Variants in CEP192 observed in about 807,000 individuals in gnomAD.
The protein encoded by CEP192 is centrosomal protein of 192 kDa.
CEP192 carries 151 observed loss-of-function variants against 271.8 expected under a neutral mutation model. The ratio of observed to expected loss-of-function variants is 0.56; its 90% CI spans 0.49 to 0.64. The LOEUF (loss-of-function observed/expected upper bound fraction) is 0.64, where lower values mean the gene tolerates loss of function less well. Ranked by LOEUF, CEP192 falls within the 30% of genes least tolerant of loss-of-function variation. The pLI is 0.00. For synonymous variants in CEP192, 995 were observed against 1,076.5 expected (o/e 0.92, Z 1.48); for missense variants, 2,910 against 3,020.5 (o/e 0.96, Z 0.86).
rs1257435529 is a variant in CEP192, at chr18:13,029,771, A to G, written c.1159A>G (p.Thr387Ala). The G allele has an allele frequency of 6.4e-7, 1 of 1,551,644 alleles. No homozygotes were observed. Among genetic ancestry groups the G allele is most frequent in the Admixed American group, 2.0e-5 (1 of 51,010 alleles). ...TGCCAATAGAGGTGGTTTTGATCTGACTGACCCTGTAAAACAGGGGGCAGA... is the reference window on the plus strand; with the variant it reads ...TGCCAATAGAGGTGGTTTTGATCTGGCTGACCCTGTAAAACAGGGGGCAGA... ...ANANRGGFDLTDPVKQGAECP... is the reference protein window; with the variant it reads ...ANANRGGFDLADPVKQGAECP... The change falls in exon 10 of 45, where the codon ACT (threonine) becomes GCT (alanine). Residue 387 changes from threonine to alanine, a missense_variant. Thr to Ala is a moderately conservative substitution (Grantham distance 58). Transcript: ENST00000506447.
At chr18:13,103,937 A>G (rs1217740366) in intron 39 of CEP192, 4 of 453,430 alleles carry the variant, frequency 8.8e-6, no homozygotes, top group South Asian at 6.3e-5. Context: ...CAATCTTCCC[A>G]CCTCAGCCTC....
chr18:13,061,385 G>C (rs1401956762), intron 21 of CEP192, among the ~76,000 whole-genome samples: 1 of 152,252 alleles, frequency 6.6e-6, no homozygotes, highest in Non-Finnish European at 1.5e-5. Context: ...TTGCAGTTTA[G>C]AGGTAGGTGT....
At chr18:13,071,250 A>G (rs1293815408) in intron 28 of CEP192, 38 bp downstream of exon 28, 1 of 1,557,800 alleles carries the variant, frequency 6.4e-7, no homozygotes, top group Non-Finnish European at 8.8e-7. Context: ...CACTATTTAT[A>G]CATATTTTGG....
At chr18:13,093,978 A>G (rs2039271287) in intron 34 of CEP192, among the ~76,000 whole-genome samples, 1 of 152,230 alleles carries the variant, frequency 6.6e-6, no homozygotes, top group South Asian at 2.1e-4. Flanking sequence ...GCCAATTGCT[A>G]ACTCTTTCTT....
chr18:13,001,907 A>G (rs2033669505), intron 3 of CEP192, among the ~76,000 whole-genome samples: 1 of 152,184 alleles, frequency 6.6e-6, no homozygotes, highest in Admixed American at 6.5e-5. Context: ...GGGTTTCACC[A>G]CATTGGCCAG....
intron 44 of CEP192, among the ~76,000 whole-genome samples, chr18:13,119,173 ATTG>A (rs1362375952): frequency 2.0e-5 from 3 of 152,238 alleles, no homozygotes; most frequent in South Asian, 4.1e-4. Flanking sequence ...TAAATTTCTA[ATTG>A]TTGTAACTGT....
intron 4 of CEP192, among the ~76,000 whole-genome samples, chr18:13,012,502 G>A (rs2034421129): frequency 6.6e-6 from 1 of 152,148 alleles, no homozygotes; most frequent in Non-Finnish European, 1.5e-5. Context: ...CGAGCTTAGT[G>A]ATTCTTTTTT....
At chr18:13,120,835 A>G (rs989551466) in intron 44 of CEP192, among the ~76,000 whole-genome samples, 1 of 152,246 alleles carries the variant, frequency 6.6e-6, no homozygotes, top group East Asian at 1.9e-4. Flanking sequence ...AGTATGAGTA[A>G]GAAAATCATG....
intron 44 of CEP192, among the ~76,000 whole-genome samples, chr18:13,120,377 A>G (rs2040607076): frequency 6.6e-6 from 1 of 152,346 alleles, no homozygotes; most frequent in South Asian, 2.1e-4. Flanking sequence ...CTGGTCATGT[A>G]AAAGTAGACA....
At chr18:13,106,472 AC>A in intron 40 of CEP192, among the ~76,000 whole-genome samples, 1 of 128,960 alleles carries the variant, frequency 7.8e-6, no homozygotes, top group African/African-American at 2.7e-5. Flanking sequence ...AACTACCACC[AC>A]CACTACCACT....
intron 21 of CEP192, among the ~76,000 whole-genome samples, chr18:13,065,461 T>A (rs2037643104): frequency 6.6e-6 from 1 of 152,208 alleles, no homozygotes. Flanking sequence ...AATACATATT[T>A]CTATTTCATG....
intron 27 of CEP192, 30 bp from the exon 28 acceptor site, chr18:13,071,009 A>G (rs1199145932): frequency 1.3e-6 from 2 of 1,586,178 alleles, no homozygotes; most frequent in Non-Finnish European, 1.7e-6. Flanking sequence ...TGAATACAGG[A>G]CCTTCAACTT....
chr18:13,095,373 A>G, intron 34 of CEP192, 130 bp from the exon 35 acceptor site: 1 of 724,698 alleles, frequency 1.4e-6, no homozygotes, highest in Non-Finnish European at 2.3e-6. Context: ...ACTCACTTTT[A>G]ACTTTGTCTT....
intron 21 of CEP192, among the ~76,000 whole-genome samples, chr18:13,060,030 A>G (rs2037323404): frequency 6.6e-6 from 1 of 152,230 alleles, no homozygotes; most frequent in Admixed American, 6.5e-5. Flanking sequence ...GAGGGTGCAG[A>G]ATAGAGGAAA....
intron 5 of CEP192, among the ~76,000 whole-genome samples, chr18:13,014,008 A>G (rs2034506436): frequency 6.6e-6 from 1 of 152,188 alleles, no homozygotes; most frequent in Non-Finnish European, 1.5e-5. Flanking sequence ...CCATTTGTGT[A>G]TGTTTTGTTT....
intron 21 of CEP192, among the ~76,000 whole-genome samples, chr18:13,066,104 A>G (rs2037685243): frequency 6.6e-6 from 1 of 152,214 alleles, no homozygotes; most frequent in Non-Finnish European, 1.5e-5. Context: ...GTCTAACTAA[A>G]GCAAACTCCT....
chr18:13,070,989 C>G (rs368922217), intron 27 of CEP192, 50 bp from the exon 28 acceptor site: 16 of 1,487,210 alleles, frequency 1.1e-5, no homozygotes, highest in East Asian at 4.5e-5. Context: ...GAAATAGTTG[C>G]GAAAAGAATT....
intron 44 of CEP192, among the ~76,000 whole-genome samples, chr18:13,118,021 G>T (rs11663083): frequency 5.7e-4 from 87 of 152,232 alleles, no homozygotes; most frequent in Non-Finnish European, 1.1e-3. Flanking sequence ...TCATTAACTG[G>T]GACAAAAACC....
Position 13,000,094 on chromosome 18 carries a change from T to C in CEP192, c.164+506T>C, listed in dbSNP as rs111841594. 9.3e-3 allele frequency among the ~76,000 whole-genome samples: 745 copies of C among 79,886 alleles called. 38 individuals are homozygous for C. Among genetic ancestry groups the C allele is most frequent in the East Asian group, 0.033 (94 of 2,880 alleles). The allele number at this position is 79,886 out of a possible 152,430, so 52.4% of individuals were successfully genotyped here. Reference sequence around the variant, plus strand: ...TGTATAACTCATTGTCTTCTCTCTTTTTTTTTTTTTTTTTTTTTTTTTTTG... The same window carrying C: ...TGTATAACTCATTGTCTTCTCTCTTCTTTTTTTTTTTTTTTTTTTTTTTTG... On this transcript the variant is annotated intron_variant, in intron 2 of 44. Coordinates refer to ENST00000506447, the MANE Select transcript of CEP192 (RefSeq NM_032142.4).
Sources: gnomAD v4.1 joint callset for allele counts (sites outside exome capture counted in the v4.1 genomes callset) on GRCh38, gnomAD v4.1.1 for gene constraint, MANE v1.5 for transcripts, NCBI Gene and HGNC (gene_info 2026-07-23, HGNC 2026-07-21) for gene names.